Variants in DPP6 observed in about 807,000 individuals in gnomAD.
DPP6 encodes the protein dipeptidyl peptidase like 6, also known as A-type potassium channel modulatory protein DPP6.
Under a neutral mutation model 122.6 loss-of-function variants are expected in DPP6, and 69 were observed. The ratio of observed to expected loss-of-function variants is 0.56; its 90% CI spans 0.46 to 0.69. The LOEUF (loss-of-function observed/expected upper bound fraction) is 0.69. Among genes scored for constraint, DPP6 ranks in the 30% least tolerant of loss-of-function variants. The pLI, the probability that DPP6 is intolerant of heterozygous loss-of-function variation, is 0.00. For synonymous variants in DPP6, 418 were observed against 433.1 expected (o/e 0.97, Z 0.43); for missense variants, 928 against 1,116.9 (o/e 0.83, Z 2.41).
intron 1 of DPP6, among the ~76,000 whole-genome samples, chr7:154,164,892 T>C (rs1462527738): frequency 6.6e-6 from 1 of 152,250 alleles, no homozygotes; most frequent in African/African-American, 2.4e-5. Flanking sequence ...TGGTTTTCAC[T>C]ATTCAGCTGG....
the DPP6 span, among the ~76,000 whole-genome samples, chr7:153,784,059 C>T: frequency 6.6e-6 from 1 of 152,180 alleles, no homozygotes; most frequent in Non-Finnish European, 1.5e-5. Flanking sequence ...GTTGGTTTGC[C>T]ATTTAGCTTG....
At chr7:153,785,602 C>G in the DPP6 span, among the ~76,000 whole-genome samples, 2 of 152,230 alleles carry the variant, frequency 1.3e-5, no homozygotes, top group East Asian at 3.9e-4. Flanking sequence ...TAGTGCCCCA[C>G]AAATCAATTT....
At chr7:153,822,636 TAGAA>T in the DPP6 span, among the ~76,000 whole-genome samples, 1 of 152,176 alleles carries the variant, frequency 6.6e-6, no homozygotes, top group African/African-American at 2.4e-5. Flanking sequence ...AGCTAATAAT[TAGAA>T]AGCATTCCAG....
At chr7:153,983,939 C>A (rs2129039074) in intron 1 of DPP6, among the ~76,000 whole-genome samples, 1 of 152,122 alleles carries the variant, frequency 6.6e-6, no homozygotes, top group East Asian at 1.9e-4. Flanking sequence ...AGAAATCACC[C>A]ACCTTCTGCA....
At chr7:154,267,629 CAT>C (rs1168971428) in intron 1 of DPP6, among the ~76,000 whole-genome samples, 12 of 149,354 alleles carry the variant, frequency 8.0e-5, no homozygotes, top group Non-Finnish European at 1.5e-4. Flanking sequence ...CATATACACA[CAT>C]ATACATGCAC....
At chr7:154,707,641 C>G (rs1203866247) in intron 7 of DPP6, among the ~76,000 whole-genome samples, 1 of 152,166 alleles carries the variant, frequency 6.6e-6, no homozygotes, top group Non-Finnish European at 1.5e-5. Context: ...TCTTAAACCT[C>G]TCATTGATCA....
intron 3 of DPP6, among the ~76,000 whole-genome samples, chr7:154,529,978 T>A (rs1827707977): frequency 6.6e-6 from 1 of 151,968 alleles, no homozygotes; most frequent in Non-Finnish European, 1.5e-5. Context: ...ATATGAAAAT[T>A]AGCTGGGCGT....
chr7:153,835,255 G>A, the DPP6 span, among the ~76,000 whole-genome samples: 1 of 152,170 alleles, frequency 6.6e-6, no homozygotes, highest in African/African-American at 2.4e-5. Context: ...CTTTTAAGTA[G>A]CAGTGAACAG....
At chr7:154,589,315 C>A (rs1050200019) in intron 5 of DPP6, among the ~76,000 whole-genome samples, 3 of 152,226 alleles carry the variant, frequency 2.0e-5, no homozygotes, top group Non-Finnish European at 4.4e-5. Context: ...CCATCTATCA[C>A]TCCATCTCAG....
chr7:153,820,124 T>C, the DPP6 span, among the ~76,000 whole-genome samples: 1 of 152,188 alleles, frequency 6.6e-6, no homozygotes, highest in African/African-American at 2.4e-5. Context: ...GGAAGGAGAA[T>C]CTCCTTTCCA....
chr7:153,963,902 G>A (rs1795489490), intron 1 of DPP6, among the ~76,000 whole-genome samples: 1 of 152,190 alleles, frequency 6.6e-6, no homozygotes, highest in African/African-American at 2.4e-5. Flanking sequence ...TCTGAGACTT[G>A]GCTGAGCCCT....
At chr7:153,808,418 T>A in the DPP6 span, among the ~76,000 whole-genome samples, 2 of 151,858 alleles carry the variant, frequency 1.3e-5, no homozygotes, top group Admixed American at 1.3e-4. Flanking sequence ...TGTATGTGTG[T>A]CTGTGTGTGT....
chr7:153,830,167 A>G, the DPP6 span, among the ~76,000 whole-genome samples: 2 of 152,222 alleles, frequency 1.3e-5, no homozygotes, highest in Non-Finnish European at 2.9e-5. Flanking sequence ...TTTTTCAATT[A>G]TATTAATTTA....
chr7:154,023,340 A>G (rs1055071798), intron 1 of DPP6, among the ~76,000 whole-genome samples: 3 of 151,802 alleles, frequency 2.0e-5, no homozygotes, highest in South Asian at 2.1e-4. Flanking sequence ...ACACACACAC[A>G]CACACACACA....
chr7:154,493,619 CA>C (rs1824478647), intron 3 of DPP6, among the ~76,000 whole-genome samples: 1 of 152,022 alleles, frequency 6.6e-6, no homozygotes, highest in Admixed American at 6.6e-5. Context: ...ATGAAAATAC[CA>C]TTTAATGACA....
chr7:154,277,165 T>C (rs1176728842), intron 1 of DPP6, among the ~76,000 whole-genome samples: 2 of 152,216 alleles, frequency 1.3e-5, no homozygotes, highest in African/African-American at 4.8e-5. Context: ...CTCACTTTTT[T>C]TTCCACTGTG....
intron 1 of DPP6, among the ~76,000 whole-genome samples, chr7:154,019,008 C>T (rs1445548779): frequency 1.3e-5 from 2 of 152,182 alleles, no homozygotes; most frequent in Non-Finnish European, 2.9e-5. Flanking sequence ...ATACAATAAA[C>T]AGAGAAAACA....
intron 5 of DPP6, among the ~76,000 whole-genome samples, chr7:154,623,641 ACGCGCACACACG>A (rs1388752284): frequency 1.6e-4 from 15 of 93,378 alleles, no homozygotes; most frequent in Non-Finnish European, 2.3e-4. Flanking sequence ...GCGTGCACAC[ACGCGCACACACG>A]CGCACACACA....
Position 154,318,410 on chromosome 7 carries a change from T to C in DPP6, c.244-127804T>C, listed in dbSNP as rs557878494. On this transcript the variant is annotated intron_variant, in intron 1 of 25. Coordinates refer to ENST00000377770, the MANE Select transcript of DPP6 (RefSeq NM_130797.4). ...GAGAGTGACCTAGGGAAAAAGTTATTAAGCCACAAATCAATTACACCCTAT... is the reference window on the plus strand; with the variant it reads ...GAGAGTGACCTAGGGAAAAAGTTATCAAGCCACAAATCAATTACACCCTAT... 1.7e-4 allele frequency among the ~76,000 whole-genome samples: 26 copies of C among 152,260 alleles called. 1 individual carries two copies. In the East Asian group the frequency reaches 4.3e-3, roughly 25 times the overall value.
Sources: gnomAD v4.1 joint callset for allele counts (sites outside exome capture counted in the v4.1 genomes callset) on GRCh38, gnomAD v4.1.1 for gene constraint, MANE v1.5 for transcripts, NCBI Gene and HGNC (gene_info 2026-07-23, HGNC 2026-07-21) for gene names.